RAPGEF6: variants seen among roughly 807,000 people sequenced by gnomAD.
RAPGEF6 encodes the protein PDZ domain containing guanine nucleotide exchange factor (GEF) 2.
A neutral mutation model predicts 171.4 loss-of-function variants in RAPGEF6; 56 were observed. The ratio of observed to expected loss-of-function variants is 0.33; its 90% confidence interval spans 0.26 to 0.41. The LOEUF is 0.41. Among genes scored for constraint, RAPGEF6 ranks in the 10% least tolerant of loss-of-function variants. The probability of loss-of-function intolerance (pLI) is 1.00; values close to 1 mark genes in which losing one functional copy is unlikely to be tolerated. For missense variants in RAPGEF6, 1,674 were observed against 1,921.4 expected, an observed-to-expected ratio of 0.87 and a Z score of 2.41; for synonymous variants, 692 against 650.1, an observed-to-expected ratio of 1.06 and a Z score of -0.98.
intron 6 of RAPGEF6, among the ~76,000 whole-genome samples, chr5:131,537,355 G>A (rs1007387962): frequency 6.6e-6 from 1 of 152,136 alleles, no homozygotes; most frequent in Non-Finnish European, 1.5e-5. Flanking sequence ...CAGTACTCAA[G>A]CATTTTATAC....
rs1427720832 is a variant in RAPGEF6 at position 131,439,694 on chromosome 5, A to C, written c.3632T>G (p.Val1211Gly). The C allele has an allele frequency of 7.4e-6, 12 of 1,611,410 alleles. No homozygotes were observed. The highest frequency in any genetic ancestry group is 9.3e-6 in the Non-Finnish European group (11 of 1,179,420). Residue 1211 changes from valine to glycine, a missense_variant, in exon 24 of 28, where the codon GTT (valine) becomes GGT (glycine). Transcript: ENST00000509018. ...PALNTSLPQK[V>G]LGTTEEISGK... ...ACTTATTTCTTCAGTTGTTCCTAAA[A>C]CTTTCTGAGGTAAACTTGTATCTAA...
chr5:131,496,326 A>G (rs2149878563), intron 12 of RAPGEF6, among the ~76,000 whole-genome samples: 1 of 152,368 alleles, frequency 6.6e-6, no homozygotes, highest in South Asian at 2.1e-4. Context: ...ATGCCTAACA[A>G]TGTAAGAAAT....
At chr5:131,543,478 A>C (rs892996114) in intron 6 of RAPGEF6, among the ~76,000 whole-genome samples, 1 of 152,216 alleles carries the variant, frequency 6.6e-6, no homozygotes, top group Admixed American at 6.5e-5. Context: ...TGAACACTAA[A>C]GAAACGACAT....
At chr5:131,544,244 T>A (rs1275314714) in intron 6 of RAPGEF6, among the ~76,000 whole-genome samples, 1 of 152,194 alleles carries the variant, frequency 6.6e-6, no homozygotes, top group South Asian at 2.1e-4. Context: ...CAAAGATTTG[T>A]ACATAAATGT....
At chr5:131,456,143 CAA>C in intron 19 of RAPGEF6, 131 bp from the exon 20 acceptor site, 3 of 625,480 alleles carry the variant, frequency 4.8e-6, no homozygotes, top group South Asian at 4.7e-5. Flanking sequence ...TTGAAATAAA[CAA>C]GAGAAAAACT....
At chr5:131,525,329 C>CA (rs1758802127) in intron 6 of RAPGEF6, among the ~76,000 whole-genome samples, 1 of 57,480 alleles carries the variant, frequency 1.7e-5, no homozygotes. Flanking sequence ...TCAGCAATAA[C>CA]ACGCAAATAA....
In RAPGEF6 at chr5:131,496,864, A is replaced by G. The variant is rs186768839; in HGVS notation, c.1420-1204T>C. Among the ~76,000 whole-genome samples, 240 of 152,098 alleles carry G rather than the reference A, an allele frequency of 1.6e-3. 1 individual carries two copies. The highest frequency in any genetic ancestry group is 5.5e-3 in the African/African-American group (230 of 41,502). ...TTTTTAATTCTCTGGGTATTTACCT[A>G]GGATTAGAATTGCTGGGCTATATGG... On this transcript the variant is annotated intron_variant, in intron 12 of 27. Coordinates refer to ENST00000509018, the MANE Select transcript of RAPGEF6 (RefSeq NM_016340.6).
intron 3 of RAPGEF6, among the ~76,000 whole-genome samples, chr5:131,595,431 A>G (rs1262284834): frequency 6.6e-6 from 1 of 152,226 alleles, no homozygotes; most frequent in Non-Finnish European, 1.5e-5. Context: ...CAAATTACCC[A>G]GTCTCAGGTA....
chr5:131,461,495 T>C (rs1753932628), intron 19 of RAPGEF6, among the ~76,000 whole-genome samples: 1 of 151,954 alleles, frequency 6.6e-6, no homozygotes, highest in South Asian at 2.1e-4. Flanking sequence ...CACTTTCATT[T>C]ACAAAAAAGA....
intron 11 of RAPGEF6, among the ~76,000 whole-genome samples, chr5:131,500,368 G>A (rs1756943713): frequency 6.6e-6 from 1 of 152,110 alleles, no homozygotes; most frequent in Admixed American, 6.5e-5. Flanking sequence ...TCCTGGTTTA[G>A]GGTCATTTAG....
At position 131,532,038 on chromosome 5, in the gene RAPGEF6, C is replaced by T. The variant is rs897675320; in HGVS notation, c.496-10517G>A. 1.0e-5 allele frequency: 4 copies of T among 391,798 alleles called. No homozygotes were observed. The Admixed American group carries it at 1.5e-4, about 14-fold the overall frequency. The allele number at this position is 391,798 out of a possible 1,614,324, so 24.3% of individuals were successfully genotyped here. The stretch of plus-strand genomic sequence containing the variant: ...AAAAGAGCGCAATAAAGCTCATTTA[C>T]AGTTCAAAATAAAATTTAATAACTG... On this transcript the variant is annotated intron_variant, in intron 6 of 27. Transcript: ENST00000509018.
At chr5:131,592,012 C>T (rs953804231) in intron 4 of RAPGEF6, among the ~76,000 whole-genome samples, 2 of 152,090 alleles carry the variant, frequency 1.3e-5, no homozygotes, top group South Asian at 4.1e-4. Flanking sequence ...TATGCGCCAC[C>T]ACACCTAGCT....
At position 131,479,584 on chromosome 5, in the gene RAPGEF6, T is replaced by C; in HGVS notation, c.2010A>G (p.Ser670=). The C allele has an allele frequency of 6.2e-7, 1 of 1,613,926 alleles. No homozygotes were observed. The highest frequency in any genetic ancestry group is 1.1e-5 in the South Asian group (1 of 91,082). Residue 670 remains serine (S), a synonymous_variant, in exon 16 of 28, where the codon TCA becomes TCG. Transcript: ENST00000509018. ...GSKKVKANTV[S]GGRNKIRKIL... Reference sequence around the variant, plus strand: ...TCTTCCTGATTTTGTTTCTTCCACCTGAAACAGTATTTGCTTTAACTTTCT... The same window carrying C: ...TCTTCCTGATTTTGTTTCTTCCACCCGAAACAGTATTTGCTTTAACTTTCT...
intron 11 of RAPGEF6, among the ~76,000 whole-genome samples, chr5:131,501,901 C>T (rs189390303): frequency 6.6e-6 from 1 of 152,084 alleles, no homozygotes. Flanking sequence ...CAAATACATA[C>T]ATATATTTCC....
chr5:131,561,884 G>T, intron 5 of RAPGEF6, 94 bp downstream of exon 5: 1 of 902,710 alleles, frequency 1.1e-6, no homozygotes, highest in Non-Finnish European at 1.8e-6. Flanking sequence ...AAAGGTCATA[G>T]TAATAAAACC....
chr5:131,428,524 G>A (rs190780569), intron 27 of RAPGEF6, among the ~76,000 whole-genome samples: 4 of 151,370 alleles, frequency 2.6e-5, no homozygotes, highest in African/African-American at 9.7e-5. Context: ...GCAATGGTGC[G>A]ATCTTGGCTC....
intron 4 of RAPGEF6, among the ~76,000 whole-genome samples, chr5:131,591,747 T>C (rs1382784012): frequency 6.6e-6 from 1 of 152,234 alleles, no homozygotes; most frequent in Non-Finnish European, 1.5e-5. Context: ...TTTAATCTAG[T>C]TGATTTACTC....
intron 25 of RAPGEF6, among the ~76,000 whole-genome samples, 154 bp downstream of exon 25, chr5:131,433,269 TTTACATA>T (rs1751819643): frequency 6.6e-6 from 1 of 152,196 alleles, no homozygotes; most frequent in Admixed American, 6.5e-5. Context: ...ATAGTGCTTA[TTTACATA>T]TTCAGAATAG....
At chr5:131,437,329 A>G (rs989387836) in intron 24 of RAPGEF6, among the ~76,000 whole-genome samples, 12 of 151,772 alleles carry the variant, frequency 7.9e-5, no homozygotes, top group South Asian at 6.3e-4. Flanking sequence ...TTTGTTGGGA[A>G]TAAGAGCAAT....
Sources: allele counts gnomAD v4.1 joint callset (sites outside exome capture counted in the v4.1 genomes callset), GRCh38; gene constraint gnomAD v4.1.1; transcripts MANE v1.5; gene names NCBI Gene and HGNC (gene_info 2026-07-23, HGNC 2026-07-21).